PLSCR4: variants seen among roughly 807,000 people sequenced by gnomAD.
PLSCR4 encodes the protein Ca(2+)-dependent phospholipid scramblase 4.
PLSCR4 carries 25 observed loss-of-function variants against 36.3 expected under a neutral mutation model. The observed-to-expected ratio is 0.69, with a 90% CI of 0.50 to 0.96. PLSCR4 has a LOEUF of 0.96. PLSCR4 is among the 40% of genes least tolerant of loss of function. The pLI is 0.00. For synonymous variants in PLSCR4, 122 were observed against 132.9 expected, an observed-to-expected ratio of 0.92 and a Z score of 0.56; for missense variants, 408 against 414.7, an observed-to-expected ratio of 0.98 and a Z score of 0.14.
intron 1 of PLSCR4, among the ~76,000 whole-genome samples, chr3:146,226,203 A>G (rs1559919389): frequency 6.6e-6 from 1 of 152,234 alleles, no homozygotes; most frequent in Non-Finnish European, 1.5e-5. Flanking sequence ...TATTAGGGTG[A>G]TAAGAACAAG....
chr3:146,229,370 T>C (rs6770057), intron 1 of PLSCR4, among the ~76,000 whole-genome samples: 93,228 of 151,730 alleles, frequency 0.61, 30,932 homozygotes, highest in Admixed American at 0.72. Flanking sequence ...GTTCAATCCA[T>C]GAAGCCAATA....
At chr3:146,195,389 G>A (rs1379097949) in intron 7 of PLSCR4, 107 bp from the exon 8 acceptor site, 2 of 891,550 alleles carry the variant, frequency 2.2e-6, no homozygotes, top group Non-Finnish European at 3.5e-6. Flanking sequence ...AAAAGACTAT[G>A]TAATTATATA....
At chr3:146,221,883 A>C (rs144521940) in intron 2 of PLSCR4, among the ~76,000 whole-genome samples, 182 bp downstream of exon 2, 1 of 152,188 alleles carries the variant, frequency 6.6e-6, no homozygotes, top group Admixed American at 6.5e-5. Context: ...CAATGATAGG[A>C]ATGTCTATAT....
intron 3 of PLSCR4, among the ~76,000 whole-genome samples, chr3:146,212,431 TG>T (rs2034670992): frequency 2.9e-5 from 1 of 34,432 alleles, no homozygotes; most frequent in African/African-American, 1.6e-4. Context: ...TGGGTTTTTT[TG>T]TTTTGTTTTT....
intron 1 of PLSCR4, among the ~76,000 whole-genome samples, chr3:146,227,951 A>T (rs1490211744): frequency 6.6e-6 from 1 of 152,204 alleles, no homozygotes; most frequent in African/African-American, 2.4e-5. Flanking sequence ...ACCTGGAGAA[A>T]AGCAGAAGAT....
At chr3:146,235,204 C>T (rs2035865137) in intron 1 of PLSCR4, among the ~76,000 whole-genome samples, 1 of 152,162 alleles carries the variant, frequency 6.6e-6, no homozygotes, top group South Asian at 2.1e-4. Flanking sequence ...GTTGAAATGT[C>T]ATCCTCAATG....
intron 1 of PLSCR4, among the ~76,000 whole-genome samples, chr3:146,232,953 G>A (rs1216370915): frequency 1.3e-5 from 1 of 78,732 alleles, no homozygotes; most frequent in Non-Finnish European, 4.0e-5. Context: ...CCACATCTCT[G>A]GACATACTTT....
chr3:146,227,516 C>T (rs2035527730), intron 1 of PLSCR4, among the ~76,000 whole-genome samples: 1 of 152,226 alleles, frequency 6.6e-6, no homozygotes, highest in Non-Finnish European at 1.5e-5. Context: ...AATTTCACCA[C>T]TGTAAACAGT....
rs1046441456 is a variant in PLSCR4, at chr3:146,193,323, G to A, written c.*1088C>T. On this transcript the variant is annotated 3_prime_UTR_variant, in exon 9 of 9. Transcript: ENST00000354952. ...AAGAAGCAAAGCAGTATTAAGCAGC[G>A]GTGGAATTTGTCGCTTTCACTTTTT... is the stretch of plus-strand genomic sequence containing the variant. The A allele has an allele frequency of 3.3e-5, 5 of 151,938 alleles. No homozygotes were observed. The highest frequency in any genetic ancestry group is 6.6e-5 in the Admixed American group (1 of 15,234). 9.4% of individuals were successfully genotyped at this position (151,938 alleles called of 1,614,324 possible). A position where few individuals can be genotyped will look rare whatever the true frequency, so the allele number is the denominator to read the frequency against.
At chr3:146,216,128 G>A (rs954276599) in intron 3 of PLSCR4, among the ~76,000 whole-genome samples, 3 of 152,118 alleles carry the variant, frequency 2.0e-5, no homozygotes, top group African/African-American at 7.2e-5. Context: ...TACTCTGAAG[G>A]CTGATGCAGG....
chr3:146,198,247 T>C (rs896438978), intron 6 of PLSCR4, among the ~76,000 whole-genome samples: 12 of 152,110 alleles, frequency 7.9e-5, no homozygotes, highest in East Asian at 5.8e-4. Context: ...TTGGGATTTG[T>C]ATTGTGCTGA....
At chr3:146,217,233 G>A (rs1056532616) in intron 3 of PLSCR4, among the ~76,000 whole-genome samples, 1 of 152,196 alleles carries the variant, frequency 6.6e-6, no homozygotes, top group African/African-American at 2.4e-5. Flanking sequence ...AGCATGTTAA[G>A]GGATTAGACA....
chr3:146,230,387 C>T (rs2035659471), intron 1 of PLSCR4, among the ~76,000 whole-genome samples: 2 of 152,192 alleles, frequency 1.3e-5, no homozygotes, highest in South Asian at 4.2e-4. Context: ...CTATGTGTGT[C>T]TGTGCAGGTT....
At position 146,199,828 on chromosome 3, in the gene PLSCR4, G is replaced by T. The variant is rs2033948705; in HGVS notation, c.609C>A (p.Pro203=). The change falls in exon 6 of 9, where the codon CCC becomes CCA. Residue 203 remains proline, a synonymous_variant. Transcript: ENST00000354952. The part of the protein sequence containing the change: ...FRCTCCCFCC[P]SARQELEVQC... Reference sequence around the variant, plus strand: ...ATTCTCTGACCTCTTGTCTGGCAGAGGGGCAACAGAAGCAACAGCAGGTGC... The same window carrying T: ...ATTCTCTGACCTCTTGTCTGGCAGATGGGCAACAGAAGCAACAGCAGGTGC... The T allele has an allele frequency of 6.2e-7, 1 of 1,612,866 alleles. No homozygotes were observed. Among genetic ancestry groups the T allele is most frequent in the Admixed American group, 1.7e-5 (1 of 59,822 alleles).
At chr3:146,196,923 G>A in intron 6 of PLSCR4, 130 bp from the exon 7 acceptor site, 1 of 764,840 alleles carries the variant, frequency 1.3e-6, no homozygotes, top group Non-Finnish European at 2.1e-6. Context: ...GGGAGTGACA[G>A]CCTTCCATCT....
At chr3:146,221,297 G>T (rs898026873) in intron 2 of PLSCR4, among the ~76,000 whole-genome samples, 1 of 152,164 alleles carries the variant, frequency 6.6e-6, no homozygotes, top group Non-Finnish European at 1.5e-5. Flanking sequence ...TTTATAGAGT[G>T]AAGTTGATTT....
intron 1 of PLSCR4, among the ~76,000 whole-genome samples, chr3:146,240,644 C>A (rs1047336996): frequency 3.9e-5 from 6 of 152,060 alleles, no homozygotes; most frequent in African/African-American, 1.4e-4. Context: ...ACTCTTCACA[C>A]CTAGTAAGAT....
chr3:146,241,098 T>C (rs577064746), intron 1 of PLSCR4, among the ~76,000 whole-genome samples: 2 of 152,258 alleles, frequency 1.3e-5, no homozygotes, highest in Non-Finnish European at 2.9e-5. Flanking sequence ...AAAAACCATA[T>C]AGTACATGAT....
At position 146,230,536 on chromosome 3, in the gene PLSCR4, C is replaced by G. The variant is rs966524025; in HGVS notation, c.-21-8444G>C. The stretch of plus-strand genomic sequence containing the variant: ...AGGGAGTGTTGGGGTCTTTGCCATC[C>G]TACTATGGCCCAACAAAGTCACTGG... On this transcript the variant is annotated intron_variant, in intron 1 of 8. Coordinates refer to ENST00000354952, the MANE Select transcript of PLSCR4 (RefSeq NM_020353.3). Among the ~76,000 whole-genome samples the G allele has an allele frequency of 2.6e-5, 4 of 152,264 alleles. No individual in the cohort carries two copies. The East Asian group carries it at 7.7e-4, about 29-fold the overall frequency.
Sources: allele counts gnomAD v4.1 joint callset (sites outside exome capture counted in the v4.1 genomes callset), GRCh38; gene constraint gnomAD v4.1.1; transcripts MANE v1.5; gene names NCBI Gene and HGNC (gene_info 2026-07-23, HGNC 2026-07-21).